DCC: variants seen among roughly 807,000 people sequenced by gnomAD.
DCC encodes netrin receptor DCC.
A neutral mutation model predicts 172.5 loss-of-function variants in DCC; 58 were observed. That is an observed-to-expected ratio of 0.34 (90% CI 0.27 to 0.42). The LOEUF (loss-of-function observed/expected upper bound fraction) is 0.42, where lower values mean the gene tolerates loss of function less well. Among genes scored for constraint, DCC ranks in the 10% least tolerant of loss-of-function variants. The pLI is 1.00. For synonymous variants in DCC, 709 were observed against 644.5 expected, an observed-to-expected ratio of 1.10 and a Z score of -1.52; for missense variants, 1,740 against 1,791.0, an observed-to-expected ratio of 0.97 and a Z score of 0.51.
chr18:53,269,037 G>A (rs1444580958), intron 12 of DCC, among the ~76,000 whole-genome samples: 3 of 152,062 alleles, frequency 2.0e-5, no homozygotes, highest in African/African-American at 4.8e-5. Context: ...CATCTCAGGG[G>A]CAAGTTTTAC....
rs530084825 is a variant in DCC at position 53,194,631 on chromosome 18, A to G, written c.1574-10585A>G. On this transcript the variant is annotated intron_variant, in intron 9 of 28. Coordinates refer to ENST00000442544, the MANE Select transcript of DCC (RefSeq NM_005215.4). ...ATTACAGGCACGTGCCACTGCACCC[A>G]GCTAATTTTTGTATTTTTAGTAGAG... 2.6e-5 allele frequency among the ~76,000 whole-genome samples: 4 copies of G among 152,054 alleles called. No homozygotes were observed. In the East Asian group the frequency reaches 7.8e-4, roughly 30 times the overall value.
At chr18:52,484,778 A>C (rs899529308) in intron 1 of DCC, among the ~76,000 whole-genome samples, 3 of 151,708 alleles carry the variant, frequency 2.0e-5, no homozygotes, top group African/African-American at 7.3e-5. Flanking sequence ...AAACCTGCAC[A>C]TCTCTCCCAG....
At chr18:52,706,498 A>C (rs575613235) in intron 1 of DCC, among the ~76,000 whole-genome samples, 1 of 152,272 alleles carries the variant, frequency 6.6e-6, no homozygotes, top group East Asian at 1.9e-4. Flanking sequence ...TGACATTTTA[A>C]GTTTCTGGGA....
At chr18:53,451,826 T>C (rs2045418517) in intron 23 of DCC, among the ~76,000 whole-genome samples, 2 of 152,072 alleles carry the variant, frequency 1.3e-5, no homozygotes, top group Admixed American at 1.3e-4. Context: ...AGTGACATGT[T>C]TAGAAAGAGA....
At chr18:53,510,301 A>G (rs1217641492) in intron 27 of DCC, among the ~76,000 whole-genome samples, 3 of 152,210 alleles carry the variant, frequency 2.0e-5, no homozygotes, top group African/African-American at 7.2e-5. Context: ...AGCATATGCA[A>G]TCTGTAAAAT....
intron 2 of DCC, among the ~76,000 whole-genome samples, chr18:52,794,951 C>A (rs375356904): frequency 4.6e-5 from 7 of 151,976 alleles, no homozygotes; most frequent in South Asian, 2.1e-4. Context: ...GTACATGGAA[C>A]CATCCTTGCA....
chr18:52,944,611 A>C (rs1458552283), intron 5 of DCC, among the ~76,000 whole-genome samples: 1 of 152,234 alleles, frequency 6.6e-6, no homozygotes, highest in Non-Finnish European at 1.5e-5. Context: ...GAGCTTTAAG[A>C]GTAGTCTCCA....
At chr18:52,636,977 C>T (rs754983166) in intron 1 of DCC, among the ~76,000 whole-genome samples, 8 of 152,196 alleles carry the variant, frequency 5.3e-5, no homozygotes, top group Non-Finnish European at 1.2e-4. Context: ...GACCCATAGA[C>T]GGTTCACATC....
rs71175533 is a variant in DCC, at chr18:52,879,412, C to CTT, written c.413-26604_413-26603dup. 2.9e-3 allele frequency among the ~76,000 whole-genome samples: 180 copies of CTT among 62,308 alleles called. 33 individuals carry two copies. The highest frequency in any genetic ancestry group is 7.9e-3 in the African/African-American group (114 of 14,488). 40.9% of individuals were successfully genotyped at this position (62,308 alleles called of 152,430 possible). A position where few individuals can be genotyped will look rare whatever the true frequency, so the allele number is the denominator to read the frequency against. ...AATTTCTAGCCCATATGTTGTTTGG[C>CTT]TTTTTTTTTTTTTTTTTTTTTTTTT... On this transcript the variant is annotated intron_variant, in intron 2 of 28. Coordinates refer to ENST00000442544, the MANE Select transcript of DCC (RefSeq NM_005215.4).
At chr18:52,761,322 C>T (rs1226299871) in intron 2 of DCC, among the ~76,000 whole-genome samples, 1 of 152,178 alleles carries the variant, frequency 6.6e-6, no homozygotes, top group African/African-American at 2.4e-5. Flanking sequence ...GTCCCTCCCA[C>T]AACATATGGT....
intron 21 of DCC, among the ~76,000 whole-genome samples, chr18:53,421,833 C>T (rs1319380356): frequency 6.6e-6 from 1 of 152,174 alleles, no homozygotes; most frequent in East Asian, 1.9e-4. Flanking sequence ...TCAGGCATAA[C>T]ATCTTTGCAT....
intron 1 of DCC, among the ~76,000 whole-genome samples, chr18:52,367,782 T>G (rs1984945007): frequency 6.6e-6 from 1 of 152,192 alleles, no homozygotes; most frequent in Non-Finnish European, 1.5e-5. Flanking sequence ...AGCAGGAAAC[T>G]CGCACTGAGG....
chr18:53,442,153 A>AT (rs902526615), intron 22 of DCC, among the ~76,000 whole-genome samples: 3 of 152,128 alleles, frequency 2.0e-5, no homozygotes, highest in Admixed American at 6.5e-5. Context: ...TATAATTGTA[A>AT]TTTTATACAG....
intron 1 of DCC, among the ~76,000 whole-genome samples, chr18:52,724,625 T>C (rs1281317377): frequency 6.6e-6 from 1 of 152,222 alleles, no homozygotes; most frequent in Non-Finnish European, 1.5e-5. Flanking sequence ...CAGACCAGCA[T>C]GATCAGTACA....
At chr18:53,389,013 G>A (rs1346440567) in intron 16 of DCC, among the ~76,000 whole-genome samples, 1 of 152,042 alleles carries the variant, frequency 6.6e-6, no homozygotes, top group Non-Finnish European at 1.5e-5. Flanking sequence ...TGAACTCTTA[G>A]CCTCAAACAA....
At chr18:53,207,899 T>G in intron 11 of DCC, 82 bp downstream of exon 11, 1 of 1,317,352 alleles carries the variant, frequency 7.6e-7, no homozygotes, top group Admixed American at 1.7e-5. Context: ...ATATATCATA[T>G]ATTCCATTTT....
chr18:52,984,003 G>A (rs1021617641), intron 5 of DCC, among the ~76,000 whole-genome samples: 6 of 152,050 alleles, frequency 3.9e-5, no homozygotes, highest in Non-Finnish European at 5.9e-5. Flanking sequence ...GAAAGTCCTT[G>A]TGTTGAAATA....
intron 1 of DCC, among the ~76,000 whole-genome samples, chr18:52,750,638 C>T (rs371051830): frequency 2.6e-5 from 4 of 152,070 alleles, no homozygotes; most frequent in South Asian, 2.1e-4. Flanking sequence ...TATGCAGGAA[C>T]GAAGCAAATA....
intron 1 of DCC, among the ~76,000 whole-genome samples, chr18:52,702,486 C>T (rs1794589696): frequency 6.6e-6 from 1 of 152,110 alleles, no homozygotes; most frequent in Non-Finnish European, 1.5e-5. Flanking sequence ...TTGGTCAGTC[C>T]TATTTATGCC....
Sources: gnomAD v4.1 joint callset for allele counts (sites outside exome capture counted in the v4.1 genomes callset) on GRCh38, gnomAD v4.1.1 for gene constraint, MANE v1.5 for transcripts, NCBI Gene and HGNC (gene_info 2026-07-23, HGNC 2026-07-21) for gene names.